Variants in PITPNM1 observed in about 807,000 individuals in gnomAD.
PITPNM1 encodes phosphatidylinositol transfer protein membrane associated 1.
In PITPNM1, 74 loss-of-function variants were observed where a neutral mutation model predicts 133.3. The ratio of observed to expected loss-of-function variants is 0.56; its 90% CI spans 0.46 to 0.67. The LOEUF is 0.67. Ranked by LOEUF, PITPNM1 falls within the 30% of genes least tolerant of loss-of-function variation. PITPNM1 has a pLI of 0.00. For synonymous variants in PITPNM1, 738 were observed against 741.4 expected (o/e 1.00, Z 0.08); for missense variants, 1,398 against 1,739.5 (o/e 0.80, Z 3.49).
Position 67,498,069 on chromosome 11 carries a change from C to T in PITPNM1, c.1675-45G>A. The T allele has an allele frequency of 6.2e-7, 1 of 1,608,654 alleles. No homozygotes were observed. Among genetic ancestry groups the T allele is most frequent in the Non-Finnish European group, 8.5e-7 (1 of 1,179,056 alleles). On this transcript the variant is annotated intron_variant, in intron 11 of 23. Coordinates refer to ENST00000356404, the MANE Select transcript of PITPNM1 (RefSeq NM_004910.3). This position sits in a 1 kb window ranked among gnomAD's most constrained non-coding sequence, Gnocchi z 5.7. ...CCATCAGGAGAGGCCTTGTCCTCACCCAGGCCAGACTACAGTGGGGGCTGC... is the reference window on the plus strand; with the variant it reads ...CCATCAGGAGAGGCCTTGTCCTCACTCAGGCCAGACTACAGTGGGGGCTGC...
rs1409376029 is a variant in PITPNM1 at position 67,493,496 on chromosome 11, G to A, written c.3256C>T (p.Pro1086Ser). ...VVAWLSQHNF[P>S]HGVVSFCDGL... ...TCGCAGAAGGAGACGACGCCGTGGG[G>A]GAAGTTGTGCTGCGACAGCCATGCC... The change falls in exon 22 of 24, where the codon CCC (proline) becomes TCC (serine). Residue 1086 changes from proline (P) to serine (S), a missense_variant. Pro to Ser is a moderately conservative substitution (Grantham distance 74, BLOSUM62 -1). Around this residue, in one of 5 missense-constraint regions of PITPNM1, gnomAD observed 233 missense variants for 378.0 expected, o/e 0.62. Coordinates refer to ENST00000356404, the MANE Select transcript of PITPNM1 (RefSeq NM_004910.3). 3.7e-6 allele frequency: 6 copies of A among 1,601,204 alleles called. No individual in the cohort carries two copies. The highest frequency in any genetic ancestry group is 1.7e-5 in the Admixed American group (1 of 58,454).
In PITPNM1 at chr11:67,498,498, C is replaced by T. The variant is rs1019840843; in HGVS notation, c.1484+98G>A. ...GAACAGGTCCAGCCATGCCAGTGAC[C>T]GACCCAGGTGTCTGGCTTCCTGACC... On this transcript the variant is annotated intron_variant, in intron 10 of 23. Coordinates refer to ENST00000356404, the MANE Select transcript of PITPNM1 (RefSeq NM_004910.3). The surrounding 1 kb of genome is among the most constrained non-coding windows in gnomAD (Gnocchi z 5.7). 7.3e-6 allele frequency: 11 copies of T among 1,516,634 alleles called. No individual in the cohort carries two copies. The Admixed American group carries it at 7.3e-5, about 10-fold the overall frequency. The allele number at this position is 1,516,634 out of a possible 1,614,324, so 93.9% of individuals were successfully genotyped here.
At position 67,498,014 on chromosome 11, in the gene PITPNM1, A is replaced by G; in HGVS notation, c.1685T>C (p.Ile562Thr). The G allele has an allele frequency of 6.8e-6, 11 of 1,610,222 alleles. No homozygotes were observed. Among genetic ancestry groups the G allele is most frequent in the Non-Finnish European group, 9.3e-6 (11 of 1,179,836 alleles). ...CAGGATGCCACCAACACCATCTCCA[A>G]TCAGTGCGACCTGGGTGGGAGCAGG... ...GAGFCGQVALIGDGVGGILGF... is the reference protein window; with the variant it reads ...GAGFCGQVALTGDGVGGILGF... The change falls in exon 12 of 24, where the codon ATT (isoleucine) becomes ACT (threonine). Residue 562 changes from isoleucine (I) to threonine (T), a missense_variant. Coordinates refer to ENST00000356404, the MANE Select transcript of PITPNM1 (RefSeq NM_004910.3). The surrounding 1 kb of genome is among the most constrained non-coding windows in gnomAD (Gnocchi z 5.7).
intron 14 of PITPNM1, 61 bp from the exon 15 acceptor site, chr11:67,496,409 G>A: frequency 6.8e-7 from 1 of 1,475,076 alleles, no homozygotes; most frequent in Non-Finnish European, 9.0e-7. Flanking sequence ...CACTCTGGGA[G>A]GTAGGGGGTG....
rs963237351 is a variant in PITPNM1, at chr11:67,498,527, TCCCCGCTCCCTG to T, written c.1484+57_1484+68del. The stretch of plus-strand genomic sequence containing the variant: ...CCAGGTGTCTGGCTTCCTGACCCCT[TCCCCGCTCCCTG>T]CCCCGCTCCCTGGCCTGATCCTACG... On this transcript the variant is annotated intron_variant, in intron 10 of 23. Coordinates refer to ENST00000356404, the MANE Select transcript of PITPNM1 (RefSeq NM_004910.3). This position sits in a 1 kb window ranked among gnomAD's most constrained non-coding sequence, Gnocchi z 5.7. 28 of 1,555,350 alleles carry T rather than the reference TCCCCGCTCCCTG, an allele frequency of 1.8e-5. 1 individual carries two copies. Among genetic ancestry groups the T allele is most frequent in the African/African-American group, 1.7e-4 (13 of 74,296 alleles).
Position 67,495,194 on chromosome 11 carries a change from G to T in PITPNM1, c.2514C>A (p.Ile838=), listed in dbSNP as rs1192003353. The part of the protein sequence containing the change: ...ILERWWGTKR[I]DYSLYCPEAL... The stretch of plus-strand genomic sequence containing the variant: ...CCTCGGGGCAGTACAGCGAGTAGTC[G>T]ATCCGCTTGGTCCCCCACCAGCGCT... The change falls in exon 17 of 24, where the codon ATC becomes ATA. Residue 838 remains isoleucine (I), a synonymous_variant. Transcript: ENST00000356404. 3.1e-6 allele frequency: 5 copies of T among 1,607,108 alleles called. No homozygotes were observed. Among genetic ancestry groups the T allele is most frequent in the Non-Finnish European group, 4.2e-6 (5 of 1,176,888 alleles).
rs570418791 is a variant in PITPNM1 at position 67,504,244 on chromosome 11, A to C, written c.-41-23T>G. On this transcript the variant is annotated intron_variant, in intron 1 of 23. Transcript: ENST00000356404. This position sits in a 1 kb window ranked among gnomAD's most constrained non-coding sequence, Gnocchi z 5.4. ...CTCCTGGCGCAGGGCACGGCGCGAC[A>C]GTCAGTGCGGGGAGGCTGCGCGCGG... The C allele has an allele frequency of 2.4e-6, 3 of 1,255,882 alleles. No individual in the cohort carries two copies. The highest frequency in any genetic ancestry group is 2.7e-5 in the South Asian group (2 of 73,998). The allele number at this position is 1,255,882 out of a possible 1,614,324, so 77.8% of individuals were successfully genotyped here.
At position 67,498,417 on chromosome 11, in the gene PITPNM1, G is replaced by T; in HGVS notation, c.1485-95C>A. The T allele has an allele frequency of 2.2e-6, 3 of 1,392,142 alleles. No homozygotes were observed. The highest frequency in any genetic ancestry group is 2.9e-6 in the Non-Finnish European group (3 of 1,044,944). 86.2% of individuals were successfully genotyped at this position (1,392,142 alleles called of 1,614,324 possible). A position where few individuals can be genotyped will look rare whatever the true frequency, so the allele number is the denominator to read the frequency against. On this transcript the variant is annotated intron_variant, in intron 10 of 23. Coordinates refer to ENST00000356404, the MANE Select transcript of PITPNM1 (RefSeq NM_004910.3). This position sits in a 1 kb window ranked among gnomAD's most constrained non-coding sequence, Gnocchi z 5.7. The stretch of plus-strand genomic sequence containing the variant: ...CCTGCTGGCAGGCCCTGGCTCTGTG[G>T]GTCCTCTGTGGGGAGCGTTAGCCCC...
In PITPNM1 at chr11:67,495,061, A is replaced by G. The variant is rs1257633633; in HGVS notation, c.2631+16T>C. 4 of 1,610,664 alleles carry G rather than the reference A, an allele frequency of 2.5e-6. No individual in the cohort carries two copies. The African/African-American group carries it at 5.4e-5, about 22-fold the overall frequency. On this transcript the variant is annotated intron_variant, in intron 17 of 23. Coordinates refer to ENST00000356404, the MANE Select transcript of PITPNM1 (RefSeq NM_004910.3). ...CCGTCCCATTCTCATCTCCCATTCC[A>G]TATTCCCAGGCCCACCTGGCGCAGG...
At chr11:67,492,895 C>T (rs374948674) in intron 23 of PITPNM1, 39 bp downstream of exon 23, 2 of 1,597,614 alleles carry the variant, frequency 1.3e-6, no homozygotes, top group African/African-American at 1.3e-5. Flanking sequence ...GCCCTGCCCC[C>T]TGGTGGGGTC....
rs1218895484 is a variant in PITPNM1, at chr11:67,493,972, G to A, written c.2958C>T (p.Pro986=). 6.2e-7 allele frequency: 1 copy of A among 1,611,396 alleles called. No individual in the cohort carries two copies. Among genetic ancestry groups the A allele is most frequent in the Non-Finnish European group, 8.5e-7 (1 of 1,179,330 alleles). ...CACCAATGCCCAGCGCGCGTTCTGGGGGAACTGGGAAGGTGAGGCGGCCCG... is the reference window on the plus strand; with the variant it reads ...CACCAATGCCCAGCGCGCGTTCTGGAGGAACTGGGAAGGTGAGGCGGCCCG... ...NSSGRLTFPV[P]PERALGIGVY... Residue 986 remains proline, a synonymous_variant, in exon 20 of 24, where the codon CCC becomes CCT. Transcript: ENST00000356404.
intron 15 of PITPNM1, among the ~76,000 whole-genome samples, 198 bp downstream of exon 15, chr11:67,495,980 C>T (rs1866105102): frequency 6.6e-6 from 1 of 152,232 alleles, no homozygotes; most frequent in African/African-American, 2.4e-5. Flanking sequence ...GGCTAACCAC[C>T]CCCACCCAAC....
chr11:67,497,462 G>A (rs1310408970), intron 13 of PITPNM1, 26 bp from the exon 14 acceptor site: 2 of 1,594,568 alleles, frequency 1.3e-6, no homozygotes, highest in Admixed American at 1.7e-5. Context: ...GGTGCTCAGT[G>A]CTGCTGCCTC....
At chr11:67,497,129 G>C in intron 14 of PITPNM1, 102 bp downstream of exon 14, 1 of 951,468 alleles carries the variant, frequency 1.1e-6, no homozygotes, top group Non-Finnish European at 1.5e-6. Flanking sequence ...TTAGTACAGT[G>C]GGGAAGTTGC....
chr11:67,495,507 C>T lies in PITPNM1; in HGVS notation c.2413G>A (p.Gly805Ser). Residue 805 changes from glycine (G) to serine (S), a missense_variant, in exon 16 of 24, where the codon GGC becomes AGC. This residue lies in a region of PITPNM1 where 574 missense variants were observed against 698.7 expected (regional missense o/e 0.82). Transcript: ENST00000356404. ...GGGGGGTCAGTGGCCAACTCACTGCCCTTCCAGAAGGCACCGCTAGTAGAG... is the reference window on the plus strand; with the variant it reads ...GGGGGGTCAGTGGCCAACTCACTGCTCTTCCAGAAGGCACCGCTAGTAGAG... ...PTSTSGAFWK[G>S]SELATDPPAQ... 2 of 1,580,350 alleles carry T rather than the reference C, an allele frequency of 1.3e-6. No homozygotes were observed. The highest frequency in any genetic ancestry group is 1.7e-6 in the Non-Finnish European group (2 of 1,165,868).
rs778679374 is a variant in PITPNM1 at position 67,493,648 on chromosome 11, C to A, written c.3158+40G>T. The A allele has an allele frequency of 3.2e-6, 5 of 1,545,276 alleles. No individual in the cohort carries two copies. The Admixed American group carries it at 5.9e-5, about 18-fold the overall frequency. ...CTGGCCAGGGGTGAGGGGCCGGTCA[C>A]CCCGGTGAAATGGGTGGTGGTGGCA... On this transcript the variant is annotated intron_variant, in intron 21 of 23. Transcript: ENST00000356404.
In PITPNM1 at chr11:67,500,014, C is replaced by G. The variant is rs542990009; in HGVS notation, c.968-5G>C. The G allele has an allele frequency of 1.2e-6, 2 of 1,611,672 alleles. No homozygotes were observed. Among genetic ancestry groups the G allele is most frequent in the South Asian group, 2.2e-5 (2 of 91,080 alleles). On this transcript the variant is annotated splice_polypyrimidine_tract_variant and splice_region_variant and intron_variant, in intron 6 of 23. Transcript: ENST00000356404. ...AGCTCTGGGGAGACACAGCCCCTGCCGGGCCAGCTCAGCCTCAGCCTCAGC... is the reference window on the plus strand; with the variant it reads ...AGCTCTGGGGAGACACAGCCCCTGCGGGGCCAGCTCAGCCTCAGCCTCAGC...
In PITPNM1 at chr11:67,495,229, C is replaced by T. The variant is rs1295120518; in HGVS notation, c.2483-4G>A. 7 of 1,580,300 alleles carry T rather than the reference C, an allele frequency of 4.4e-6. No individual in the cohort carries two copies. In the East Asian group the frequency reaches 1.1e-4, roughly 26 times the overall value. ...GTCCCCCACCAGCGCTCCAGGACTGCGCGGCCATGGCAGCGAGTCAGGATG... is the reference window on the plus strand; with the variant it reads ...GTCCCCCACCAGCGCTCCAGGACTGTGCGGCCATGGCAGCGAGTCAGGATG... On this transcript the variant is annotated splice_region_variant and splice_polypyrimidine_tract_variant and intron_variant, in intron 16 of 23. Coordinates refer to ENST00000356404, the MANE Select transcript of PITPNM1 (RefSeq NM_004910.3).
intron 8 of PITPNM1, 27 bp from the exon 9 acceptor site, chr11:67,499,028 G>C (rs757242325): frequency 6.3e-7 from 1 of 1,593,410 alleles, no homozygotes; most frequent in Admixed American, 1.7e-5. Flanking sequence ...CCAGTGAGAG[G>C]GACGGAGAGG....
Sources: allele counts gnomAD v4.1 joint callset (sites outside exome capture counted in the v4.1 genomes callset), GRCh38; gene constraint gnomAD v4.1.1; regional missense constraint gnomAD v4.1.1; non-coding constraint Gnocchi (gnomAD v3.1); transcripts MANE v1.5; gene names NCBI Gene and HGNC (gene_info 2026-07-23, HGNC 2026-07-21).